Variants in PHYH observed in about 807,000 individuals in gnomAD.
The protein encoded by PHYH is phytanoyl-CoA 2-hydroxylase.
A neutral mutation model predicts 38.5 loss-of-function variants in PHYH; 32 were observed. The ratio of observed to expected loss-of-function variants is 0.83; its 90% CI spans 0.63 to 1.12. The LOEUF is 1.12. Ranked by LOEUF, PHYH falls within the 50% of genes most tolerant of loss-of-function variation. The pLI is 0.00. For synonymous variants in PHYH, 166 were observed against 157.9 expected (o/e 1.05, Z -0.38); for missense variants, 426 against 434.8 (o/e 0.98, Z 0.18).
intron 5 of PHYH, 158 bp downstream of exon 5, chr10:13,291,673 C>A (rs1199953627): frequency 4.7e-6 from 3 of 644,184 alleles, no homozygotes; most frequent in East Asian, 2.8e-5. Flanking sequence ...AGAGACAGAG[C>A]CTCACTATGT....
At position 13,298,108 on chromosome 10, in the gene PHYH, T is replaced by C. The variant is rs1052500821; in HGVS notation, c.134+79A>G. 10 of 825,768 alleles carry C rather than the reference T, an allele frequency of 1.2e-5. No homozygotes were observed. The African/African-American group carries it at 1.4e-4, about 11-fold the overall frequency. 51.2% of individuals were successfully genotyped at this position (825,768 alleles called of 1,614,324 possible). On this transcript the variant is annotated intron_variant, in intron 2 of 8. Coordinates refer to ENST00000263038, the MANE Select transcript of PHYH (RefSeq NM_006214.4). ...ATAAAATTCTAATCAGGTAACATAT[T>C]ATGTGGTATATCTTCATTACCACTC...
intron 7 of PHYH, among the ~76,000 whole-genome samples, chr10:13,282,753 G>A (rs1835443792): frequency 6.6e-6 from 1 of 152,092 alleles, no homozygotes; most frequent in Non-Finnish European, 1.5e-5. Context: ...TTGGCATTGT[G>A]CGCAGCCAAT....
intron 6 of PHYH, among the ~76,000 whole-genome samples, chr10:13,284,529 T>C (rs1444847850): frequency 1.3e-5 from 2 of 152,154 alleles, no homozygotes; most frequent in Non-Finnish European, 2.9e-5. Context: ...GTGTTCCCAG[T>C]GTGTTCTCCT....
At position 13,281,399 on chromosome 10, in the gene PHYH, G is replaced by GTT. The variant is rs11430020; in HGVS notation, c.829-291_829-290dup. Among the ~76,000 whole-genome samples the GTT allele has an allele frequency of 0.021, 3,072 of 145,098 alleles. 107 individuals carry two copies. Among genetic ancestry groups the GTT allele is most frequent in the African/African-American group, 0.069 (2,750 of 40,022 alleles). ...GAATTATGTCAGTAAGAGGTATTTAGTTTTTTTTTTTTTTAGCATTTTATT... is the reference window on the plus strand; with the variant it reads ...GAATTATGTCAGTAAGAGGTATTTAGTTTTTTTTTTTTTTTTAGCATTTTATT... On this transcript the variant is annotated intron_variant, in intron 7 of 8. Transcript: ENST00000263038.
At chr10:13,291,447 G>A (rs1245690092) in intron 5 of PHYH, 1 of 230,994 alleles carries the variant, frequency 4.3e-6, no homozygotes, top group Non-Finnish European at 8.6e-6. Flanking sequence ...CATGATTACA[G>A]TTAGACATCA....
chr10:13,293,623 T>A (rs1420491674), intron 4 of PHYH, among the ~76,000 whole-genome samples: 1 of 151,920 alleles, frequency 6.6e-6, no homozygotes, highest in African/African-American at 2.4e-5. Flanking sequence ...TCTTATTCAA[T>A]CTTTGTTTTT....
chr10:13,298,715 CACCACTACTACTACT>C (rs1254168030), intron 1 of PHYH, among the ~76,000 whole-genome samples: 9 of 115,366 alleles, frequency 7.8e-5, no homozygotes, highest in Middle Eastern at 3.7e-3. Flanking sequence ...AAAAAACTAC[CACCACTACTACTACT>C]ACTACTACTA....
intron 1 of PHYH, 77 bp from the exon 2 acceptor site, chr10:13,298,322 T>G: frequency 4.6e-6 from 4 of 874,050 alleles, no homozygotes; most frequent in Non-Finnish European, 7.7e-6. Context: ...ATTCCAGCAC[T>G]TTGGGAGGCT....
chr10:13,283,612 T>C, intron 7 of PHYH, 78 bp downstream of exon 7: 1 of 1,404,832 alleles, frequency 7.1e-7, no homozygotes, highest in South Asian at 1.2e-5. Flanking sequence ...ATTCAATTAA[T>C]TTGAATTCAA....
chr10:13,282,714 G>A (rs992903872), intron 7 of PHYH, among the ~76,000 whole-genome samples: 9 of 152,136 alleles, frequency 5.9e-5, no homozygotes, highest in African/African-American at 2.2e-4. Context: ...TGCTAGTGTG[G>A]GGTCCAATAG....
At chr10:13,278,465 C>T (rs1436330773) in intron 8 of PHYH, 111 bp from the exon 9 acceptor site, 1 of 783,896 alleles carries the variant, frequency 1.3e-6, no homozygotes, top group East Asian at 2.6e-5. Flanking sequence ...TGAAAGGTTA[C>T]ATAGGGAAAA....
At chr10:13,281,724 C>G (rs1835418429) in intron 7 of PHYH, among the ~76,000 whole-genome samples, 1 of 152,188 alleles carries the variant, frequency 6.6e-6, no homozygotes, top group African/African-American at 2.4e-5. Context: ...ATCTAAGCTG[C>G]AAGGCAATCG....
intron 7 of PHYH, among the ~76,000 whole-genome samples, chr10:13,283,273 G>T (rs1835460621): frequency 6.6e-6 from 1 of 151,858 alleles, no homozygotes. Flanking sequence ...GGGACTACAG[G>T]CGCCCGCCAC....
chr10:13,294,473 A>C lies in PHYH; in HGVS notation c.369T>G (p.Asp123Glu). ...TGAAGAGCTCCTTATCTTCCTGGAA[A>C]TCCTGGACCTTCGTGATCATCTTCT... ...PSEKMITKVQ[D>E]FQEDKELFRY... Residue 123 changes from aspartate to glutamate, a missense_variant, in exon 4 of 9, where the codon GAT becomes GAG. Transcript: ENST00000263038. 6.2e-7 allele frequency: 1 copy of C among 1,614,126 alleles called. No homozygotes were observed. Among genetic ancestry groups the C allele is most frequent in the African/African-American group, 1.3e-5 (1 of 75,030 alleles).
intron 4 of PHYH, among the ~76,000 whole-genome samples, chr10:13,292,808 C>T (rs906691335): frequency 2.6e-5 from 4 of 151,756 alleles, no homozygotes; most frequent in Non-Finnish European, 5.9e-5. Context: ...TGGCACACGT[C>T]GGTAATCCCA....
intron 4 of PHYH, among the ~76,000 whole-genome samples, chr10:13,292,806 G>A (rs1440802687): frequency 3.3e-5 from 5 of 151,846 alleles, no homozygotes; most frequent in South Asian, 4.2e-4. Flanking sequence ...GGTGGCACAC[G>A]TCGGTAATCC....
intron 7 of PHYH, among the ~76,000 whole-genome samples, chr10:13,282,876 A>G (rs1835447676): frequency 6.6e-6 from 1 of 152,028 alleles, no homozygotes; most frequent in African/African-American, 2.4e-5. Context: ...CCCTGGAGAG[A>G]GTGCCCCAAC....
At chr10:13,290,115 CAAAAAAAAAAA>C (rs1172422242) in intron 5 of PHYH, among the ~76,000 whole-genome samples, 7 of 33,390 alleles carry the variant, frequency 2.1e-4, no homozygotes, top group East Asian at 1.2e-3. Flanking sequence ...CTAAAAATAC[CAAAAAAAAAAA>C]AAAAAAAAAA....
chr10:13,289,133 T>C (rs1269106531), intron 5 of PHYH, among the ~76,000 whole-genome samples: 4 of 152,098 alleles, frequency 2.6e-5, no homozygotes, highest in African/African-American at 9.7e-5. Context: ...GGTAGCTAAG[T>C]ACTTATGCAC....
Sources: allele counts gnomAD v4.1 joint callset (sites outside exome capture counted in the v4.1 genomes callset), GRCh38; gene constraint gnomAD v4.1.1; transcripts MANE v1.5; gene names NCBI Gene and HGNC (gene_info 2026-07-23, HGNC 2026-07-21).